Variants in TBL1X observed in about 807,000 individuals in gnomAD.
TBL1X encodes F-box-like/WD repeat-containing protein TBL1X.
A neutral mutation model predicts 50.7 loss-of-function variants in TBL1X; 10 were observed. That is an observed-to-expected ratio of 0.20 (90% CI 0.12 to 0.33). The LOEUF is 0.33. Ranked by LOEUF, TBL1X falls within the 10% of genes least tolerant of loss-of-function variation. The probability of loss-of-function intolerance (pLI) is 1.00; values close to 1 mark genes in which losing one functional copy is unlikely to be tolerated. For synonymous variants in TBL1X, 190 were observed against 214.7 expected (o/e 0.88, Z 1.01); for missense variants, 340 against 504.4 (o/e 0.67, Z 3.12).
At chrX:9,570,925 C>T (rs2082382554) in intron 2 of TBL1X, among the ~76,000 whole-genome samples, 1 of 111,280 alleles carries the variant, frequency 9.0e-6, no homozygotes, top group Admixed American at 9.6e-5. Flanking sequence ...GATCTGCCCG[C>T]CTCGGCCTCC....
intron 1 of TBL1X, among the ~76,000 whole-genome samples, chrX:9,478,059 C>T (rs926660934): frequency 1.1e-4 from 12 of 111,892 alleles, no homozygotes; most frequent in African/African-American, 3.9e-4. Flanking sequence ...TAACAGGCAT[C>T]GTGCCTCAGT....
chrX:9,584,567 G>A lies in TBL1X; in HGVS notation c.-130-55706G>A, dbSNP rs756723212. ...TTGGGGAGAGGTGGATTTTAGAGAT[G>A]GGGTAGTAGCAGCTTCTCAAAAACC... On this transcript the variant is annotated intron_variant, in intron 2 of 17. Transcript: ENST00000645353. Among the ~76,000 whole-genome samples, 5 of 112,011 alleles carry A rather than the reference G, an allele frequency of 4.5e-5. No individual in the cohort carries two copies. The South Asian group carries it at 1.1e-3, about 25-fold the overall frequency.
intron 1 of TBL1X, among the ~76,000 whole-genome samples, chrX:9,497,199 A>T (rs2081975200): frequency 1.8e-5 from 2 of 110,570 alleles, no homozygotes; most frequent in African/African-American, 6.6e-5. Context: ...ACTTGAGCCC[A>T]GGGGTTTGAG....
intron 2 of TBL1X, among the ~76,000 whole-genome samples, chrX:9,628,057 G>C (rs185064226): frequency 1.8e-5 from 2 of 112,908 alleles, no homozygotes; most frequent in Non-Finnish European, 1.9e-5. Flanking sequence ...TCAATTAAAA[G>C]ATGCTATGTT....
chrX:9,510,961 C>T (rs1037586402), intron 2 of TBL1X, among the ~76,000 whole-genome samples: 2 of 111,917 alleles, frequency 1.8e-5, no homozygotes, highest in Admixed American at 9.5e-5. Context: ...CATCCACGCA[C>T]GCACACATAA....
At position 9,697,480 on chromosome X, in the gene TBL1X, T is replaced by C. The variant is rs141830061; in HGVS notation, c.1114+51T>C. On this transcript the variant is annotated intron_variant, in intron 12 of 17. Transcript: ENST00000645353. ...TGTTTGTTTTTTTGTAATTCAAAAA[T>C]AATAATTCAGGTCGAGCCCAGTGGC... is the stretch of plus-strand genomic sequence containing the variant. 4 of 1,201,272 alleles carry C rather than the reference T, an allele frequency of 3.3e-6. No homozygotes were observed. In the East Asian group the frequency reaches 1.2e-4, roughly 36 times the overall value.
chrX:9,467,771 G>A (rs1261775114), intron 1 of TBL1X, among the ~76,000 whole-genome samples: 1 of 111,906 alleles, frequency 8.9e-6, no homozygotes, highest in Non-Finnish European at 1.9e-5. Context: ...ATGCTGGCCA[G>A]ACTGGCAAAC....
At chrX:9,637,660 T>C (rs2082754886) in intron 2 of TBL1X, 1 of 112,008 alleles carries the variant, frequency 8.9e-6, no homozygotes, top group Non-Finnish European at 1.9e-5. Context: ...GATTCTGTAT[T>C]CTACTTAGGG....
intron 2 of TBL1X, among the ~76,000 whole-genome samples, chrX:9,571,917 C>T (rs1259649280): frequency 8.9e-6 from 1 of 112,437 alleles, no homozygotes; most frequent in Non-Finnish European, 1.9e-5. Context: ...GACATAATTT[C>T]CTTCCTTTTT....
chrX:9,682,972 T>C (rs1280975422), intron 5 of TBL1X, among the ~76,000 whole-genome samples: 1 of 111,685 alleles, frequency 9.0e-6, no homozygotes, highest in Non-Finnish European at 1.9e-5. Flanking sequence ...GGGGTCCATG[T>C]TCCTCACACG....
At chrX:9,712,326 T>G (rs1366879881) in intron 16 of TBL1X, among the ~76,000 whole-genome samples, 1 of 112,241 alleles carries the variant, frequency 8.9e-6, no homozygotes, top group Non-Finnish European at 1.9e-5. Flanking sequence ...TGTTTTGTTG[T>G]TGTTGTTTTT....
At chrX:9,612,593 A>G (rs3180931) in intron 2 of TBL1X, among the ~76,000 whole-genome samples, 1 of 112,063 alleles carries the variant, frequency 8.9e-6, no homozygotes, top group Non-Finnish European at 1.9e-5. Flanking sequence ...AGCGATTCCT[A>G]TTTTAAAAAT....
Position 9,637,634 on chromosome X carries a change from G to A in TBL1X, c.-130-2639G>A, listed in dbSNP as rs1235204129. ...AACACCGGATACCATGAGGAAAATTGAGATCATCACCCAGGGATTCTGTAT... is the reference window on the plus strand; with the variant it reads ...AACACCGGATACCATGAGGAAAATTAAGATCATCACCCAGGGATTCTGTAT... On this transcript the variant is annotated intron_variant, in intron 2 of 17. Coordinates refer to ENST00000645353, the MANE Select transcript of TBL1X (RefSeq NM_005647.4). The A allele has an allele frequency of 3.6e-5, 4 of 112,053 alleles. No homozygotes were observed. In the East Asian group the frequency reaches 1.1e-3, roughly 31 times the overall value. 9.2% of individuals were successfully genotyped at this position (112,053 alleles called of 1,213,427 possible).
At chrX:9,655,708 C>T (rs1177248604) in intron 5 of TBL1X, among the ~76,000 whole-genome samples, 1 of 111,884 alleles carries the variant, frequency 8.9e-6, no homozygotes, top group African/African-American at 3.2e-5. Flanking sequence ...TAGGCCCCGT[C>T]CTCCCAGAGA....
intron 2 of TBL1X, among the ~76,000 whole-genome samples, chrX:9,568,918 C>T (rs1028115509): frequency 2.8e-5 from 3 of 105,315 alleles, no homozygotes; most frequent in African/African-American, 1.1e-4. Flanking sequence ...GTGCACCTTG[C>T]TGTTTGTGTT....
chrX:9,496,256 C>G (rs1041685049), intron 1 of TBL1X, among the ~76,000 whole-genome samples: 2 of 111,916 alleles, frequency 1.8e-5, no homozygotes, highest in Non-Finnish European at 3.8e-5. Flanking sequence ...CTCCACACCA[C>G]AATGCATAAC....
intron 1 of TBL1X, among the ~76,000 whole-genome samples, chrX:9,470,346 C>T (rs754106423): frequency 1.8e-5 from 2 of 112,590 alleles, no homozygotes; most frequent in Admixed American, 9.3e-5. Context: ...GATCTCCGCC[C>T]GCAAGTTCAA....
chrX:9,574,459 GAAAAAA>G (rs376384853), intron 2 of TBL1X, among the ~76,000 whole-genome samples: 505 of 30,114 alleles, frequency 0.017, 5 homozygotes, highest in African/African-American at 0.046. Flanking sequence ...TGTCTCAAAT[GAAAAAA>G]AAAAAAAAAA....
chrX:9,587,174 G>C lies in TBL1X; in HGVS notation c.-130-53099G>C, dbSNP rs2082474371. On this transcript the variant is annotated intron_variant, in intron 2 of 17. Transcript: ENST00000645353. ...CGCTGGAGGCCTCATCCCTGAGCAG[G>C]TTGCCCTCCTTCTGGTCGGATGGCA... Among the ~76,000 whole-genome samples the C allele has an allele frequency of 3.6e-5, 4 of 112,220 alleles. No homozygotes were observed. The South Asian group carries it at 1.1e-3, about 31-fold the overall frequency.
Sources: allele counts gnomAD v4.1 joint callset (sites outside exome capture counted in the v4.1 genomes callset), GRCh38; gene constraint gnomAD v4.1.1; transcripts MANE v1.5; gene names NCBI Gene and HGNC (gene_info 2026-07-23, HGNC 2026-07-21).